Variants in SV2B observed in about 807,000 individuals in gnomAD.
The protein encoded by SV2B is solute carrier family 22 member B2.
Under a neutral mutation model 73.9 loss-of-function variants are expected in SV2B, and 41 were observed. That is an observed-to-expected ratio of 0.56 (90% confidence interval 0.43 to 0.72). The LOEUF (loss-of-function observed/expected upper bound fraction) is 0.72, where lower values mean the gene tolerates loss of function less well. SV2B is among the 30% of genes least tolerant of loss of function. The probability of loss-of-function intolerance (pLI) is 0.00; values close to 1 mark genes in which losing one functional copy is unlikely to be tolerated. For synonymous variants in SV2B, 314 were observed against 314.2 expected (o/e 1.00, Z 0.01); for missense variants, 764 against 857.8 (o/e 0.89, Z 1.37).
intron 1 of SV2B, among the ~76,000 whole-genome samples, chr15:91,218,370 G>A (rs1385328859): frequency 6.6e-6 from 1 of 152,150 alleles, no homozygotes; most frequent in Non-Finnish European, 1.5e-5. Context: ...CTACTTTAGA[G>A]GAAAGTCAGA....
chr15:91,183,673 T>A (rs1348764666), intron 1 of SV2B, among the ~76,000 whole-genome samples: 4 of 152,234 alleles, frequency 2.6e-5, no homozygotes, highest in African/African-American at 9.6e-5. Context: ...CATTTTGCGA[T>A]GTATTTGCCC....
intron 1 of SV2B, among the ~76,000 whole-genome samples, chr15:91,184,499 A>T (rs895217263): frequency 1.3e-5 from 2 of 152,180 alleles, no homozygotes; most frequent in Non-Finnish European, 2.9e-5. Context: ...AATGCGCTCT[A>T]AAATATCCCC....
intron 1 of SV2B, among the ~76,000 whole-genome samples, chr15:91,174,599 A>G (rs934885719): frequency 6.6e-6 from 1 of 152,234 alleles, no homozygotes; most frequent in Non-Finnish European, 1.5e-5. Context: ...GGGATCCAGC[A>G]TGCAGGAAGC....
chr15:91,176,275 T>C (rs920038352), intron 1 of SV2B, among the ~76,000 whole-genome samples: 1 of 152,202 alleles, frequency 6.6e-6, no homozygotes, highest in Non-Finnish European at 1.5e-5. Context: ...CACATTTTCT[T>C]AATACAGTCT....
intron 1 of SV2B, among the ~76,000 whole-genome samples, chr15:91,155,779 A>G (rs2043469480): frequency 6.6e-6 from 1 of 152,180 alleles, no homozygotes; most frequent in Admixed American, 6.5e-5. Context: ...CCATTTGACA[A>G]AACTAGAAGG....
intron 2 of SV2B, 89 bp from the exon 3 acceptor site, chr15:91,251,730 A>G (rs1328514052): frequency 2.1e-6 from 3 of 1,396,462 alleles, no homozygotes; most frequent in Non-Finnish European, 2.9e-6. Flanking sequence ...TAGGATAAAT[A>G]AAAATGAACA....
chr15:91,107,095 GGAGA>G (rs377155192), intron 1 of SV2B, among the ~76,000 whole-genome samples: 5 of 151,414 alleles, frequency 3.3e-5, no homozygotes, highest in Admixed American at 1.3e-4. Context: ...TGTGTGTGAG[GGAGA>G]GAGAGAGAGA....
intron 6 of SV2B, among the ~76,000 whole-genome samples, chr15:91,263,647 A>C (rs1003880827): frequency 6.9e-6 from 1 of 144,410 alleles, no homozygotes; most frequent in Non-Finnish European, 1.5e-5. Flanking sequence ...CATTAAGACA[A>C]ACACACAGAC....
chr15:91,191,482 C>CA (rs1428146541), intron 1 of SV2B, among the ~76,000 whole-genome samples: 1 of 151,998 alleles, frequency 6.6e-6, no homozygotes, highest in African/African-American at 2.4e-5. Flanking sequence ...GCCAGTTTAG[C>CA]AAAAATCTCT....
intron 2 of SV2B, among the ~76,000 whole-genome samples, chr15:91,243,640 A>G (rs917419928): frequency 4.6e-5 from 7 of 152,124 alleles, no homozygotes; most frequent in Non-Finnish European, 1.0e-4. Flanking sequence ...CTTGGCCCAG[A>G]ATGTTGTCTC....
chr15:91,221,693 G>GCGCGCGCACACACACACACA (rs370290337), intron 1 of SV2B, among the ~76,000 whole-genome samples: 45 of 140,158 alleles, frequency 3.2e-4, no homozygotes, highest in African/African-American at 1.1e-3. Context: ...AAGCATGTGC[G>GCGCGCGCACACACACACACA]CACACACACA....
rs529872233 is a variant in SV2B, at chr15:91,141,000, A to G, written c.-392+40637A>G. Reference sequence around the variant, plus strand: ...CTCCAACTTCTTTTAAAATAGAACTATTTTCATGATGGAAGCCAGAAGTGC... The same window carrying G: ...CTCCAACTTCTTTTAAAATAGAACTGTTTTCATGATGGAAGCCAGAAGTGC... On this transcript the variant is annotated intron_variant, in intron 1 of 12. Coordinates refer to ENST00000394232, the MANE Select transcript of SV2B (RefSeq NM_001323032.3). This position sits in a 1 kb window ranked among gnomAD's most constrained non-coding sequence, Gnocchi z 4.4. Among the ~76,000 whole-genome samples the G allele has an allele frequency of 2.0e-5, 3 of 152,284 alleles. No homozygotes were observed. Among genetic ancestry groups the G allele is most frequent in the South Asian group, 2.1e-4 (1 of 4,834 alleles).
rs1446359766 is a variant in SV2B, at chr15:91,124,502, T to C, written c.-392+24139T>C. 6.6e-6 allele frequency among the ~76,000 whole-genome samples: 1 copy of C among 152,154 alleles called. No homozygotes were observed. Among genetic ancestry groups the C allele is most frequent in the Non-Finnish European group, 1.5e-5 (1 of 68,030 alleles). The stretch of plus-strand genomic sequence containing the variant: ...ACAGAATTTCAGGCCTGCAGAGGGA[T>C]GGGGGACTTCCTTTAAGTCATCCTA... On this transcript the variant is annotated intron_variant, in intron 1 of 12. Transcript: ENST00000394232. The surrounding 1 kb of genome is among the most constrained non-coding windows in gnomAD (Gnocchi z 4.6).
chr15:91,237,718 G>A (rs575963379), intron 2 of SV2B, among the ~76,000 whole-genome samples: 1 of 152,326 alleles, frequency 6.6e-6, no homozygotes, highest in South Asian at 2.1e-4. Flanking sequence ...CTGCTGAGAT[G>A]GCAGGGTTTT....
At chr15:91,145,133 C>T (rs1189755899) in intron 1 of SV2B, among the ~76,000 whole-genome samples, 1 of 152,120 alleles carries the variant, frequency 6.6e-6, no homozygotes, top group Non-Finnish European at 1.5e-5. Flanking sequence ...TCCTCTGCCT[C>T]CTCCCACCCT....
At chr15:91,205,879 A>G (rs1187211053) in intron 1 of SV2B, among the ~76,000 whole-genome samples, 1 of 152,222 alleles carries the variant, frequency 6.6e-6, no homozygotes, top group Non-Finnish European at 1.5e-5. Flanking sequence ...AGAAAGCAGC[A>G]GTCACGCACT....
intron 1 of SV2B, among the ~76,000 whole-genome samples, chr15:91,216,261 G>C (rs1433635005): frequency 1.3e-5 from 2 of 152,040 alleles, no homozygotes; most frequent in African/African-American, 4.8e-5. Context: ...AAGCATCACA[G>C]GTGGTTAAAA....
At chr15:91,194,013 T>C (rs2045148789) in intron 1 of SV2B, among the ~76,000 whole-genome samples, 1 of 151,658 alleles carries the variant, frequency 6.6e-6, no homozygotes, top group South Asian at 2.1e-4. Context: ...TGTTTGTTTG[T>C]TTGTTTGTTT....
chr15:91,123,805 T>C lies in SV2B; in HGVS notation c.-392+23442T>C, dbSNP rs1014354610. On this transcript the variant is annotated intron_variant, in intron 1 of 12. Transcript: ENST00000394232. This position sits in a 1 kb window ranked among gnomAD's most constrained non-coding sequence, Gnocchi z 4.7. ...CCAGAGAGGAGCAAGGAGAGACTAATTGGGAACAGGCAGGATTTGACAGTT... is the reference window on the plus strand; with the variant it reads ...CCAGAGAGGAGCAAGGAGAGACTAACTGGGAACAGGCAGGATTTGACAGTT... Among the ~76,000 whole-genome samples the C allele has an allele frequency of 5.3e-5, 8 of 152,296 alleles. No individual in the cohort carries two copies. The South Asian group carries it at 1.5e-3, about 28-fold the overall frequency.
Sources: gnomAD v4.1 joint callset for allele counts (sites outside exome capture counted in the v4.1 genomes callset) on GRCh38, gnomAD v4.1.1 for gene constraint, Gnocchi (gnomAD v3.1) non-coding constraint, MANE v1.5 for transcripts, NCBI Gene and HGNC (gene_info 2026-07-23, HGNC 2026-07-21) for gene names.